Variants in ADAMTS2 observed in about 807,000 individuals in gnomAD.
The protein encoded by ADAMTS2 is A disintegrin and metalloproteinase with thrombospondin motifs 2.
A neutral mutation model predicts 123.0 loss-of-function variants in ADAMTS2; 50 were observed. That is an observed-to-expected ratio of 0.41 (90% confidence interval 0.32 to 0.51). ADAMTS2 has a LOEUF of 0.51. Ranked by LOEUF, ADAMTS2 falls within the 20% of genes least tolerant of loss-of-function variation. ADAMTS2 has a pLI of 0.35. For synonymous variants in ADAMTS2, 678 were observed against 695.4 expected (o/e 0.98, Z 0.39); for missense variants, 1,494 against 1,705.2 (o/e 0.88, Z 2.18).
intron 17 of ADAMTS2, 50 bp from the exon 18 acceptor site, chr5:179,126,180 G>A (rs746868817): frequency 1.1e-5 from 17 of 1,610,984 alleles, no homozygotes; most frequent in Admixed American, 1.7e-5. Flanking sequence ...TGCCCTGCCC[G>A]AGGGTGCAAG....
At chr5:179,288,689 C>G (rs1756098246) in intron 2 of ADAMTS2, among the ~76,000 whole-genome samples, 1 of 152,248 alleles carries the variant, frequency 6.6e-6, no homozygotes, top group African/African-American at 2.4e-5. Flanking sequence ...GCGAGGCCAG[C>G]AATGACCAAA....
intron 10 of ADAMTS2, among the ~76,000 whole-genome samples, chr5:179,141,244 T>TCCCGG (rs1466480300): frequency 2.0e-5 from 3 of 152,220 alleles, no homozygotes; most frequent in African/African-American, 7.2e-5. Context: ...AGCAAATTCT[T>TCCCGG]TCTGTAAAAG....
At chr5:179,191,406 G>A (rs932901004) in intron 4 of ADAMTS2, among the ~76,000 whole-genome samples, 5 of 152,224 alleles carry the variant, frequency 3.3e-5, no homozygotes, top group Non-Finnish European at 5.9e-5. Context: ...CTCAGAGGCT[G>A]TGTGGCCCGG....
intron 2 of ADAMTS2, among the ~76,000 whole-genome samples, chr5:179,287,444 C>T (rs1054090015): frequency 2.0e-5 from 3 of 152,212 alleles, no homozygotes; most frequent in Non-Finnish European, 4.4e-5. Flanking sequence ...CAGCAGGAGC[C>T]CTGCTCCAGA....
intron 4 of ADAMTS2, among the ~76,000 whole-genome samples, chr5:179,187,887 G>T (rs1295107578): frequency 2.0e-5 from 3 of 152,252 alleles, no homozygotes; most frequent in Non-Finnish European, 4.4e-5. Flanking sequence ...TTCTGTTCTG[G>T]AATAGACAAT....
intron 6 of ADAMTS2, among the ~76,000 whole-genome samples, chr5:179,157,518 CTTT>C (rs112529401): frequency 1.4e-5 from 2 of 144,672 alleles, no homozygotes; most frequent in African/African-American, 2.6e-5. Context: ...TTAAATTTTC[CTTT>C]TTTTTTTTTC....
rs1369130764 is a variant in ADAMTS2 at position 179,189,224 on chromosome 5, T to C, written c.892-8069A>G. 6.6e-6 allele frequency among the ~76,000 whole-genome samples: 1 copy of C among 152,206 alleles called. No individual in the cohort carries two copies. The highest frequency in any genetic ancestry group is 2.4e-5 in the African/African-American group (1 of 41,454). ...TGAAGAGATCACCAAACAGGCTTTG[T>C]GTGAGCAATAAAGCTTTTTAATCAC... On this transcript the variant is annotated intron_variant, in intron 4 of 21. Coordinates refer to ENST00000251582, the MANE Select transcript of ADAMTS2 (RefSeq NM_014244.5). This position sits in a 1 kb window ranked among gnomAD's most constrained non-coding sequence, Gnocchi z 4.2.
intron 2 of ADAMTS2, among the ~76,000 whole-genome samples, chr5:179,291,021 G>C (rs530540473): frequency 1.3e-5 from 2 of 152,340 alleles, no homozygotes; most frequent in African/African-American, 4.8e-5. Context: ...GGAGCTCTAG[G>C]GCTGTTGACT....
chr5:179,305,349 G>A (rs1157238475), intron 2 of ADAMTS2, among the ~76,000 whole-genome samples: 1 of 152,138 alleles, frequency 6.6e-6, no homozygotes, highest in Non-Finnish European at 1.5e-5. Context: ...GTCTGATGTA[G>A]TTTTCCATGT....
At chr5:179,138,077 G>A (rs1002765274) in intron 11 of ADAMTS2, 133 bp from the exon 12 acceptor site, 6 of 1,021,598 alleles carry the variant, frequency 5.9e-6, no homozygotes, top group African/African-American at 4.8e-5. Flanking sequence ...TGAGCAAAGG[G>A]ACCTTGCCCT....
intron 2 of ADAMTS2, among the ~76,000 whole-genome samples, chr5:179,280,829 G>A (rs1024114328): frequency 6.6e-6 from 1 of 152,160 alleles, no homozygotes; most frequent in African/African-American, 2.4e-5. Context: ...ACTGAAAAGG[G>A]AATCATTTTT....
rs551649065 is a variant in ADAMTS2 at position 179,172,776 on chromosome 5, C to T, written c.975+8296G>A. The stretch of plus-strand genomic sequence containing the variant: ...GTGACAGAGCCCTGTGGCATGCCAC[C>T]GGAGACCTTTCTCCAGAGTGCTGAA... On this transcript the variant is annotated intron_variant, in intron 5 of 21. Transcript: ENST00000251582. Among the ~76,000 whole-genome samples the T allele has an allele frequency of 7.9e-5, 12 of 152,268 alleles. No individual in the cohort carries two copies. In the South Asian group the frequency reaches 1.9e-3, roughly 24 times the overall value.
chr5:179,253,043 G>T (rs1765963668), intron 3 of ADAMTS2, among the ~76,000 whole-genome samples: 1 of 152,202 alleles, frequency 6.6e-6, no homozygotes, highest in South Asian at 2.1e-4. Flanking sequence ...GGTCTGTTGA[G>T]TCTGAGATTG....
At chr5:179,304,570 C>T (rs368016015) in intron 2 of ADAMTS2, among the ~76,000 whole-genome samples, 12 of 152,256 alleles carry the variant, frequency 7.9e-5, no homozygotes, top group African/African-American at 2.9e-4. Flanking sequence ...TTTAAGAACT[C>T]ACTGGATAGG....
rs73806885 is a variant in ADAMTS2, at chr5:179,113,333, C to T, written c.*534G>A. 1,071 of 171,162 alleles carry T rather than the reference C, an allele frequency of 6.3e-3. 7 individuals are homozygous for T. Among genetic ancestry groups the T allele is most frequent in the African/African-American group, 0.024 (1,022 of 41,928 alleles). 10.6% of individuals were successfully genotyped at this position (171,162 alleles called of 1,614,324 possible). The stretch of plus-strand genomic sequence containing the variant: ...CTGTCAGGGCGGCCATGGTCCCCAG[C>T]GGGCCACTACGCTCACCCCGGTCAG... On this transcript the variant is annotated 3_prime_UTR_variant, in exon 22 of 22. Transcript: ENST00000251582.
chr5:179,344,032 G>C lies in ADAMTS2; in HGVS notation c.269C>G (p.Ala90Gly). 1 of 1,612,528 alleles carries C rather than the reference G, an allele frequency of 6.2e-7. No homozygotes were observed. Among genetic ancestry groups the C allele is most frequent in the Non-Finnish European group, 8.5e-7 (1 of 1,179,842 alleles). ...SRAGVRARRA[A>G]PVRTPSFPGG... is the part of the protein sequence containing the mutation. ...GGGGAAGCTCGGGGTCCGGACCGGGGCGGCCCTGCGGGCTCGTACCCCTGC... is the reference window on the plus strand; with the variant it reads ...GGGGAAGCTCGGGGTCCGGACCGGGCCGGCCCTGCGGGCTCGTACCCCTGC... The change falls in exon 2 of 22, where the codon GCC becomes GGC. Residue 90 changes from alanine (A) to glycine (G), a missense_variant. By Grantham distance (60) the Ala-to-Gly change is moderately conservative. Transcript: ENST00000251582.
intron 4 of ADAMTS2, among the ~76,000 whole-genome samples, chr5:179,206,113 G>T (rs1290480541): frequency 3.3e-5 from 5 of 152,204 alleles, no homozygotes; most frequent in Non-Finnish European, 5.9e-5. Context: ...GAGGGTAAGT[G>T]TGACAACGCT....
chr5:179,324,887 G>C (rs576079289), intron 2 of ADAMTS2, among the ~76,000 whole-genome samples: 7 of 149,752 alleles, frequency 4.7e-5, no homozygotes, highest in Non-Finnish European at 8.9e-5. Context: ...CAGGCCTATG[G>C]GGTTCCCAGC....
chr5:179,209,024 C>T (rs897666887), intron 3 of ADAMTS2, among the ~76,000 whole-genome samples: 4 of 152,250 alleles, frequency 2.6e-5, no homozygotes. Flanking sequence ...CCTGCTGCCT[C>T]TTCCAGGCAG....
Sources: gnomAD v4.1 joint callset for allele counts (sites outside exome capture counted in the v4.1 genomes callset) on GRCh38, gnomAD v4.1.1 for gene constraint, Gnocchi (gnomAD v3.1) non-coding constraint, MANE v1.5 for transcripts, NCBI Gene and HGNC (gene_info 2026-07-23, HGNC 2026-07-21) for gene names.